Variants in NDUFV3 observed in about 807,000 individuals in gnomAD.
The protein encoded by NDUFV3 is NADH dehydrogenase [ubiquinone] flavoprotein 3, mitochondrial.
In NDUFV3, 44 loss-of-function variants were observed where a neutral mutation model predicts 37.5. The observed-to-expected ratio is 1.17, with a 90% confidence interval of 0.92 to 1.51. The LOEUF (loss-of-function observed/expected upper bound fraction) is 1.51. Among genes scored for constraint, NDUFV3 ranks in the 40% most tolerant of loss-of-function variants. The pLI, the probability that NDUFV3 is intolerant of heterozygous loss-of-function variation, is 0.00. For synonymous variants in NDUFV3, 235 were observed against 239.3 expected (o/e 0.98, Z 0.17); for missense variants, 580 against 580.4 (o/e 1.00, Z 0.01).
At chr21:42,900,187 G>A (rs1186330878) in intron 2 of NDUFV3, among the ~76,000 whole-genome samples, 1 of 152,052 alleles carries the variant, frequency 6.6e-6, no homozygotes, top group Non-Finnish European at 1.5e-5. Flanking sequence ...GGGTGATAGA[G>A]TGAGACCCTG....
chr21:42,896,968 T>C lies in NDUFV3; in HGVS notation c.90T>C (p.Ser30=). The C allele has an allele frequency of 6.2e-7, 1 of 1,614,126 alleles. No individual in the cohort carries two copies. Among genetic ancestry groups the C allele is most frequent in the Non-Finnish European group, 8.5e-7 (1 of 1,179,948 alleles). Residue 30 remains serine, a synonymous_variant, in exon 2 of 4, where the codon TCT becomes TCC. Transcript: ENST00000354250. ...QEAQVFRGLA[S]TVSLSAESGK... ...CCCAGGTGTTTCGAGGACTTGCTTC[T>C]ACGGTTTCTTTGTCTGCGGAATCAG...
chr21:42,897,071 A>G (rs1446194439), intron 2 of NDUFV3, 24 bp downstream of exon 2: 1 of 1,612,798 alleles, frequency 6.2e-7, no homozygotes, highest in Non-Finnish European at 8.5e-7. Context: ...GGTAGTCATA[A>G]GGGAAAGAGA....
intron 1 of NDUFV3, among the ~76,000 whole-genome samples, chr21:42,895,757 T>C (rs1204054847): frequency 1.3e-5 from 2 of 151,934 alleles, no homozygotes; most frequent in African/African-American, 2.4e-5. Flanking sequence ...CTGGTTGAAG[T>C]TTTATTAAAC....
chr21:42,908,872 C>G lies in NDUFV3; in HGVS notation c.1273C>G (p.Pro425Ala), dbSNP rs774006619. The G allele has an allele frequency of 6.2e-7, 1 of 1,614,148 alleles. No individual in the cohort carries two copies. The highest frequency in any genetic ancestry group is 1.1e-5 in the South Asian group (1 of 91,068). ...TCGTGTTTCCTCCGCAGAGCCAGCC[C>G]CAGTGCCTGCTGAGCCGTTTGACAA... ...DDRGGTQEPA[P>A]VPAEPFDNTT... is the part of the protein sequence containing the mutation. The change falls in exon 4 of 4, where the codon CCA becomes GCA. Residue 425 changes from proline (P) to alanine (A), a missense_variant. Transcript: ENST00000354250.
chr21:42,896,982 C>T lies in NDUFV3; in HGVS notation c.104C>T (p.Ser35Phe). The change falls in exon 2 of 4, where the codon TCT becomes TTT. Residue 35 changes from serine to phenylalanine, a missense_variant. Transcript: ENST00000354250. Reference sequence around the variant, plus strand: ...GGACTTGCTTCTACGGTTTCTTTGTCTGCGGAATCAGGGAAGAGTGAAAAG... The same window carrying T: ...GGACTTGCTTCTACGGTTTCTTTGTTTGCGGAATCAGGGAAGAGTGAAAAG... The part of the protein sequence containing the change: ...FRGLASTVSL[S>F]AESGKSEKGQ... 3.1e-6 allele frequency: 5 copies of T among 1,613,984 alleles called. No homozygotes were observed. Among genetic ancestry groups the T allele is most frequent in the Non-Finnish European group, 4.2e-6 (5 of 1,179,960 alleles).
Position 42,904,197 on chromosome 21 carries a change from A to C in NDUFV3, c.1185A>C (p.Thr395=). The stretch of plus-strand genomic sequence containing the variant: ...ATAACCACGGTTTCCATGAAAAGAC[A>C]GCAGCGCTGAAGCTTGAGGCCGAGG... ...VENNHGFHEK[T]AALKLEAEGE... is the part of the protein sequence containing the mutation. The change falls in exon 3 of 4, where the codon ACA becomes ACC. Residue 395 remains threonine (T), a synonymous_variant. Transcript: ENST00000354250. 6.2e-7 allele frequency: 1 copy of C among 1,614,154 alleles called. No individual in the cohort carries two copies. Among genetic ancestry groups the C allele is most frequent in the Non-Finnish European group, 8.5e-7 (1 of 1,180,008 alleles).
At chr21:42,900,870 C>T (rs2058715307) in intron 2 of NDUFV3, among the ~76,000 whole-genome samples, 1 of 152,166 alleles carries the variant, frequency 6.6e-6, no homozygotes, top group African/African-American at 2.4e-5. Context: ...AGGCTGCCGG[C>T]ACAGATATCA....
In NDUFV3 at chr21:42,909,344, G is replaced by A. The variant is rs1159226405; in HGVS notation, c.*323G>A. 2.9e-6 allele frequency: 1 copy of A among 349,242 alleles called. No homozygotes were observed. Among genetic ancestry groups the A allele is most frequent in the East Asian group, 7.4e-5 (1 of 13,468 alleles). 21.6% of individuals were successfully genotyped at this position (349,242 alleles called of 1,614,324 possible). On this transcript the variant is annotated 3_prime_UTR_variant, in exon 4 of 4. Coordinates refer to ENST00000354250, the MANE Select transcript of NDUFV3 (RefSeq NM_021075.4). ...TTTAGTAGAGACAGGGTTTCACCAT[G>A]TTGGCCAGGCTGGTCTCGAACTCCT...
chr21:42,906,927 T>C (rs2058744698), intron 3 of NDUFV3: 1 of 510,794 alleles, frequency 2.0e-6, no homozygotes. Context: ...TTGCTTAACG[T>C]AACTTAAAAA....
At position 42,903,323 on chromosome 21, in the gene NDUFV3, G is replaced by A; in HGVS notation, c.311G>A (p.Ser104Asn). The change falls in exon 3 of 4, where the codon AGC becomes AAC. Residue 104 changes from serine (S) to asparagine (N), a missense_variant. Ser to Asn is a conservative substitution (Grantham distance 46, BLOSUM62 1). Transcript: ENST00000354250. The stretch of plus-strand genomic sequence containing the variant: ...GTAGCTAGTCCCAGTCCCAGTGGCA[G>A]CGTGCTATTCACAGATGAAGGGGTT... ...RKVASPSPSG[S>N]VLFTDEGVPK... is the part of the protein sequence containing the mutation. 6.2e-7 allele frequency: 1 copy of A among 1,614,218 alleles called. No individual in the cohort carries two copies. The highest frequency in any genetic ancestry group is 1.1e-5 in the South Asian group (1 of 91,084).
intron 1 of NDUFV3, 66 bp downstream of exon 1, chr21:42,893,447 G>A: frequency 6.6e-7 from 1 of 1,518,288 alleles, no homozygotes; most frequent in Non-Finnish European, 8.8e-7. Flanking sequence ...GGGGTGAGGG[G>A]GCGCGGTGCT....
chr21:42,895,874 C>A (rs995744325), intron 1 of NDUFV3, among the ~76,000 whole-genome samples: 1 of 151,870 alleles, frequency 6.6e-6, no homozygotes, highest in Non-Finnish European at 1.5e-5. Context: ...ACTGTAATAA[C>A]CATTAGAAGT....
Position 42,910,907 on chromosome 21 carries a change from C to T in NDUFV3, c.*1886C>T, listed in dbSNP as rs1253453367. On this transcript the variant is annotated 3_prime_UTR_variant, in exon 4 of 4. Coordinates refer to ENST00000354250, the MANE Select transcript of NDUFV3 (RefSeq NM_021075.4). ...ACATGGAGCACGCTCCCCCAGCACT[C>T]TGCAGAGACAGACCCCCAGTCTGAC... 1 of 152,530 alleles carries T rather than the reference C, an allele frequency of 6.6e-6. No individual in the cohort carries two copies. Among genetic ancestry groups the T allele is most frequent in the African/African-American group, 2.4e-5 (1 of 41,468 alleles). 9.4% of individuals were successfully genotyped at this position (152,530 alleles called of 1,614,324 possible). A position where few individuals can be genotyped will look rare whatever the true frequency, so the allele number is the denominator to read the frequency against.
chr21:42,906,944 A>G (rs1352313775), intron 3 of NDUFV3: 2 of 502,062 alleles, frequency 4.0e-6, no homozygotes, highest in South Asian at 3.0e-5. Context: ...AAAATGAAAA[A>G]CAGAGCTTTT....
At chr21:42,894,379 AT>A in intron 1 of NDUFV3, among the ~76,000 whole-genome samples, 1 of 35,290 alleles carries the variant, frequency 2.8e-5, no homozygotes, top group African/African-American at 5.3e-4. Context: ...TATTTATATA[AT>A]ATGTAAATAT....
In NDUFV3 at chr21:42,908,753, C is replaced by CA. The variant is rs1441525265; in HGVS notation, c.1265-110dup. 2.3e-6 allele frequency: 3 copies of CA among 1,291,288 alleles called. No individual in the cohort carries two copies. The African/African-American group carries it at 4.4e-5, about 19-fold the overall frequency. The allele number at this position is 1,291,288 out of a possible 1,614,324, so 80.0% of individuals were successfully genotyped here. On this transcript the variant is annotated intron_variant, in intron 3 of 3. Transcript: ENST00000354250. Reference sequence around the variant, plus strand: ...CAAGTCATTCATAAAGAGCTGTTCACAGATAGGGATGATGAAGAATGCTTG... The same window carrying CA: ...CAAGTCATTCATAAAGAGCTGTTCACAAGATAGGGATGATGAAGAATGCTTG...
intron 2 of NDUFV3, among the ~76,000 whole-genome samples, chr21:42,899,053 T>C (rs1412560467): frequency 1.3e-5 from 2 of 152,186 alleles, no homozygotes; most frequent in African/African-American, 4.8e-5. Context: ...GGAGCGAGCC[T>C]TGGGCTCTCA....
At chr21:42,893,655 T>C (rs1218208046) in intron 1 of NDUFV3, among the ~76,000 whole-genome samples, 1 of 152,182 alleles carries the variant, frequency 6.6e-6, no homozygotes, top group Admixed American at 6.5e-5. Flanking sequence ...CGACGGGCGC[T>C]CCCGAGGGCT....
intron 1 of NDUFV3, among the ~76,000 whole-genome samples, chr21:42,894,605 C>T (rs2058683031): frequency 7.5e-6 from 1 of 133,390 alleles, no homozygotes; most frequent in Non-Finnish European, 1.5e-5. Flanking sequence ...CAGGCCCAGG[C>T]TGGAGTGCAA....
Sources: allele counts gnomAD v4.1 joint callset (sites outside exome capture counted in the v4.1 genomes callset), GRCh38; gene constraint gnomAD v4.1.1; transcripts MANE v1.5; gene names NCBI Gene and HGNC (gene_info 2026-07-23, HGNC 2026-07-21).